SSBP2: variants seen among roughly 807,000 people sequenced by gnomAD.
SSBP2 encodes single stranded DNA binding protein 2, also known as single-stranded DNA-binding protein 2.
A neutral mutation model predicts 61.8 loss-of-function variants in SSBP2; 17 were observed. The observed-to-expected ratio is 0.28, with a 90% CI of 0.19 to 0.41. The LOEUF (loss-of-function observed/expected upper bound fraction) is 0.41, where lower values mean the gene tolerates loss of function less well. Ranked by LOEUF, SSBP2 falls within the 10% of genes least tolerant of loss-of-function variation. The pLI is 1.00. For synonymous variants in SSBP2, 139 were observed against 141.3 expected, an observed-to-expected ratio of 0.98 and a Z score of 0.12; for missense variants, 310 against 458.7, an observed-to-expected ratio of 0.68 and a Z score of 2.96.
intron 1 of SSBP2, among the ~76,000 whole-genome samples, chr5:81,730,465 T>A (rs957976914): frequency 2.0e-5 from 3 of 152,188 alleles, no homozygotes; most frequent in Admixed American, 6.5e-5. Context: ...CCTCAGGTGA[T>A]CCACCTGCCT....
At chr5:81,725,582 G>A (rs1755823249) in intron 1 of SSBP2, among the ~76,000 whole-genome samples, 1 of 152,138 alleles carries the variant, frequency 6.6e-6, no homozygotes, top group South Asian at 2.1e-4. Context: ...GTTGTCTGTG[G>A]TAGCAGAATA....
chr5:81,573,286 A>C (rs1773965188), intron 4 of SSBP2, among the ~76,000 whole-genome samples: 1 of 152,242 alleles, frequency 6.6e-6, no homozygotes, highest in Non-Finnish European at 1.5e-5. Flanking sequence ...GTTCCATATA[A>C]ACTTGATAAT....
At chr5:81,584,411 AG>A (rs1774912759) in intron 4 of SSBP2, among the ~76,000 whole-genome samples, 1 of 152,204 alleles carries the variant, frequency 6.6e-6, no homozygotes, top group African/African-American at 2.4e-5. Flanking sequence ...AACTCTTATC[AG>A]TACAAAGAAA....
chr5:81,453,491 C>A (rs1763917991), intron 10 of SSBP2, among the ~76,000 whole-genome samples: 1 of 142,562 alleles, frequency 7.0e-6, no homozygotes, highest in Admixed American at 7.3e-5. Context: ...CGGAGTCTTG[C>A]CGTCGCCCAG....
chr5:81,440,772 T>C, intron 13 of SSBP2, 136 bp from the exon 14 acceptor site: 1 of 624,216 alleles, frequency 1.6e-6, no homozygotes, highest in Non-Finnish European at 2.7e-6. Flanking sequence ...TTTTACTTGA[T>C]GTTTTTCAGC....
chr5:81,555,692 A>T (rs1772537917), intron 4 of SSBP2, among the ~76,000 whole-genome samples: 2 of 152,168 alleles, frequency 1.3e-5, no homozygotes, highest in Admixed American at 6.5e-5. Context: ...AAGAAAATAA[A>T]AATCAAATAT....
At chr5:81,633,577 C>CT (rs1747933672) in intron 3 of SSBP2, among the ~76,000 whole-genome samples, 1 of 152,090 alleles carries the variant, frequency 6.6e-6, no homozygotes, top group Admixed American at 6.6e-5. Context: ...CGCTATGTTT[C>CT]TCAGGCTGGA....
chr5:81,745,457 TAAC>T lies in SSBP2; in HGVS notation c.62+5521_62+5523del, dbSNP rs201401551. Reference sequence around the variant, plus strand: ...TTTATATTCCAAACGCTTCAGATATTAACAAATGAATCTTATTCTATTGCTCCA... The same window carrying T: ...TTTATATTCCAAACGCTTCAGATATTAAATGAATCTTATTCTATTGCTCCA... On this transcript the variant is annotated intron_variant, in intron 1 of 16. Coordinates refer to ENST00000320672, the MANE Select transcript of SSBP2 (RefSeq NM_012446.5). Among the ~76,000 whole-genome samples, 785 of 152,242 alleles carry T rather than the reference TAAC, an allele frequency of 5.2e-3. 5 individuals are homozygous for T. The highest frequency in any genetic ancestry group is 0.018 in the African/African-American group (746 of 41,580).
intron 1 of SSBP2, among the ~76,000 whole-genome samples, chr5:81,679,866 G>C (rs1201004150): frequency 6.6e-6 from 1 of 151,496 alleles, no homozygotes; most frequent in Admixed American, 6.6e-5. Context: ...ACTTGCATTT[G>C]AATTGGTAGA....
intron 4 of SSBP2, among the ~76,000 whole-genome samples, chr5:81,584,636 C>T (rs974621096): frequency 7.2e-5 from 11 of 151,992 alleles, no homozygotes; most frequent in Admixed American, 2.0e-4. Context: ...AAGCCCAGCA[C>T]GGATATAAAT....
chr5:81,716,369 C>G (rs1292268940), intron 1 of SSBP2, among the ~76,000 whole-genome samples: 1 of 151,950 alleles, frequency 6.6e-6, no homozygotes, highest in Non-Finnish European at 1.5e-5. Context: ...AAAATGTGTA[C>G]AAAACACTGA....
chr5:81,612,468 A>T (rs1745546769), intron 4 of SSBP2, among the ~76,000 whole-genome samples: 1 of 152,138 alleles, frequency 6.6e-6, no homozygotes, highest in South Asian at 2.1e-4. Context: ...ATATACATAG[A>T]CAAAAATAAA....
chr5:81,673,722 T>A (rs528900470), intron 1 of SSBP2, among the ~76,000 whole-genome samples: 2 of 152,172 alleles, frequency 1.3e-5, no homozygotes, highest in Admixed American at 6.5e-5. Context: ...ACTTAATAGG[T>A]TGTCAGGTAT....
intron 4 of SSBP2, among the ~76,000 whole-genome samples, chr5:81,560,224 T>C (rs1456379271): frequency 2.5e-4 from 38 of 152,132 alleles, no homozygotes; most frequent in Admixed American, 2.5e-3. Flanking sequence ...ACAAAAAAGA[T>C]TGTGTTCAAA....
At chr5:81,466,851 A>C (rs1162276669) in intron 9 of SSBP2, 123 bp downstream of exon 9, 2 of 536,700 alleles carry the variant, frequency 3.7e-6, no homozygotes, top group Non-Finnish European at 6.1e-6. Context: ...ATTGTTTTAC[A>C]AATTAACGTC....
At chr5:81,589,949 T>C (rs1416070946) in intron 4 of SSBP2, among the ~76,000 whole-genome samples, 2 of 152,098 alleles carry the variant, frequency 1.3e-5, no homozygotes, top group African/African-American at 4.8e-5. Flanking sequence ...GGTGGAGCTC[T>C]CATGATCTAA....
intron 5 of SSBP2, among the ~76,000 whole-genome samples, chr5:81,497,195 A>G (rs2054438079): frequency 6.6e-6 from 1 of 152,148 alleles, no homozygotes; most frequent in African/African-American, 2.4e-5. Context: ...CTTTAGTCCA[A>G]TTATTTGTGT....
chr5:81,431,365 C>G (rs1467925789), intron 15 of SSBP2, among the ~76,000 whole-genome samples: 2 of 151,966 alleles, frequency 1.3e-5, no homozygotes, highest in South Asian at 2.1e-4. Flanking sequence ...TATACTGATA[C>G]CAACTTCAAG....
intron 2 of SSBP2, among the ~76,000 whole-genome samples, chr5:81,638,277 A>T (rs1051971180): frequency 6.6e-6 from 1 of 152,116 alleles, no homozygotes; most frequent in African/African-American, 2.4e-5. Flanking sequence ...AAAAAAAAGG[A>T]TCCAAAGTAT....
Sources: gnomAD v4.1 joint callset for allele counts (sites outside exome capture counted in the v4.1 genomes callset) on GRCh38, gnomAD v4.1.1 for gene constraint, MANE v1.5 for transcripts, NCBI Gene and HGNC (gene_info 2026-07-23, HGNC 2026-07-21) for gene names.